Variants in CCDC91 observed in about 807,000 individuals in gnomAD.
The protein encoded by CCDC91 is coiled-coil domain-containing protein 91.
In CCDC91, 48 loss-of-function variants were observed where a neutral mutation model predicts 63.2. That is an observed-to-expected ratio of 0.76 (90% CI 0.60 to 0.97). The LOEUF is 0.97. CCDC91 is among the 50% of genes least tolerant of loss of function. CCDC91 has a pLI of 0.00. For synonymous variants in CCDC91, 167 were observed against 165.8 expected (o/e 1.01, Z -0.06); for missense variants, 500 against 494.6 (o/e 1.01, Z -0.10).
chr12:28,397,854 A>C (rs1391764986), intron 8 of CCDC91, among the ~76,000 whole-genome samples: 1 of 152,114 alleles, frequency 6.6e-6, no homozygotes, highest in African/African-American at 2.4e-5. Flanking sequence ...CTTTTATTAA[A>C]AAAGAAAACC....
intron 11 of CCDC91, among the ~76,000 whole-genome samples, chr12:28,464,363 G>A (rs577284525): frequency 6.6e-6 from 1 of 152,308 alleles, no homozygotes; most frequent in Non-Finnish European, 1.5e-5. Flanking sequence ...TAGCCAGGAT[G>A]GCTGAGGTAG....
chr12:28,376,683 A>G (rs1318985676), intron 7 of CCDC91, among the ~76,000 whole-genome samples: 5 of 151,812 alleles, frequency 3.3e-5, no homozygotes, highest in African/African-American at 9.7e-5. Flanking sequence ...AAGAGAAAGT[A>G]TCTTTTTGCA....
intron 12 of CCDC91, among the ~76,000 whole-genome samples, chr12:28,522,489 G>C (rs549234621): frequency 6.6e-6 from 1 of 151,954 alleles, no homozygotes; most frequent in East Asian, 1.9e-4. Flanking sequence ...TGTTGATAGC[G>C]GTCTATCAAT....
intron 3 of CCDC91, chr12:28,302,564 A>G (rs570977900): frequency 3.7e-6 from 3 of 805,342 alleles, no homozygotes; most frequent in Non-Finnish European, 4.5e-6. Context: ...TATGGCTTTT[A>G]CCTAGACAGT....
At chr12:28,278,240 C>T (rs1948375345) in intron 3 of CCDC91, among the ~76,000 whole-genome samples, 1 of 152,046 alleles carries the variant, frequency 6.6e-6, no homozygotes, top group Non-Finnish European at 1.5e-5. Context: ...CATGACACTG[C>T]ATACCCCTGG....
chr12:28,320,994 G>A (rs1183729512), intron 6 of CCDC91, among the ~76,000 whole-genome samples: 1 of 151,846 alleles, frequency 6.6e-6, no homozygotes, highest in African/African-American at 2.4e-5. Flanking sequence ...TCTGTTTGAG[G>A]GAAGAAGGAC....
intron 8 of CCDC91, among the ~76,000 whole-genome samples, chr12:28,429,088 T>A (rs1012313170): frequency 6.6e-6 from 1 of 152,194 alleles, no homozygotes; most frequent in African/African-American, 2.4e-5. Context: ...TTGGTGTTGA[T>A]GTCCAGCAGG....
At chr12:28,298,261 A>G in intron 3 of CCDC91, among the ~76,000 whole-genome samples, 1 of 151,818 alleles carries the variant, frequency 6.6e-6, no homozygotes, top group East Asian at 1.9e-4. Flanking sequence ...TAAGCACTTT[A>G]CATTCAACTT....
intron 3 of CCDC91, among the ~76,000 whole-genome samples, chr12:28,299,067 T>C (rs553018270): frequency 6.6e-6 from 1 of 151,758 alleles, no homozygotes; most frequent in East Asian, 1.9e-4. Flanking sequence ...AGCAAGTCTT[T>C]CTTTATTTAG....
intron 1 of CCDC91, chr12:28,199,104 G>T (rs1942008707): frequency 6.6e-6 from 1 of 152,002 alleles, no homozygotes; most frequent in Admixed American, 6.6e-5. Context: ...TGTAGAGACA[G>T]GTTCTTACTC....
At chr12:28,416,101 T>G (rs1203923338) in intron 8 of CCDC91, among the ~76,000 whole-genome samples, 2 of 152,118 alleles carry the variant, frequency 1.3e-5, no homozygotes, top group Admixed American at 6.6e-5. Context: ...CCCAGCTGCT[T>G]CTTGGAGTTT....
At chr12:28,216,943 A>G (rs1489605045) in intron 1 of CCDC91, among the ~76,000 whole-genome samples, 2 of 152,170 alleles carry the variant, frequency 1.3e-5, no homozygotes, top group Non-Finnish European at 2.9e-5. Context: ...AAGACCTGTC[A>G]GAGAATGTTT....
In CCDC91 at chr12:28,534,393, C is replaced by G. The variant is rs199730631; in HGVS notation, c.1216-14670C>G. ...TGGCCATGACAGGTCATTGGCTTTT[C>G]CAATATAAGGAACCTTGTAGAGGGA... On this transcript the variant is annotated intron_variant, in intron 12 of 12. Coordinates refer to ENST00000536442, the MANE Select transcript of CCDC91 (RefSeq NM_018318.5). Among the ~76,000 whole-genome samples, 16 of 152,144 alleles carry G rather than the reference C, an allele frequency of 1.1e-4. No homozygotes were observed. In the East Asian group the frequency reaches 2.9e-3, roughly 28 times the overall value.
At chr12:28,465,934 G>A (rs182359627) in intron 11 of CCDC91, among the ~76,000 whole-genome samples, 28 of 152,166 alleles carry the variant, frequency 1.8e-4, no homozygotes, top group Middle Eastern at 3.4e-3. Flanking sequence ...CACAGAGAAG[G>A]AATTCAGAAT....
At chr12:28,297,608 A>G (rs1379822686) in intron 3 of CCDC91, among the ~76,000 whole-genome samples, 1 of 151,898 alleles carries the variant, frequency 6.6e-6, no homozygotes, top group Non-Finnish European at 1.5e-5. Flanking sequence ...CAAACAAACA[A>G]CATACCAAAA....
At chr12:28,309,717 A>G (rs73083950) in intron 6 of CCDC91, among the ~76,000 whole-genome samples, 1,608 of 152,128 alleles carry the variant, frequency 0.011, 7 homozygotes, top group Middle Eastern at 0.017. Context: ...TATATCTTCA[A>G]TTGGTATTTA....
chr12:28,447,072 A>G (rs1949537681), intron 8 of CCDC91, among the ~76,000 whole-genome samples: 1 of 152,192 alleles, frequency 6.6e-6, no homozygotes, highest in Non-Finnish European at 1.5e-5. Context: ...AGTATGCATT[A>G]AAATATACAA....
intron 12 of CCDC91, among the ~76,000 whole-genome samples, chr12:28,528,576 A>C (rs912724063): frequency 6.6e-6 from 1 of 152,032 alleles, no homozygotes; most frequent in African/African-American, 2.4e-5. Context: ...TCTGGAGCAA[A>C]AGTTCATGAT....
At chr12:28,214,956 T>G (rs1401368116) in intron 1 of CCDC91, among the ~76,000 whole-genome samples, 1 of 152,200 alleles carries the variant, frequency 6.6e-6, no homozygotes, top group Admixed American at 6.6e-5. Context: ...GATTAAACAT[T>G]ATTCTAGGTA....
Sources: gnomAD v4.1 joint callset for allele counts (sites outside exome capture counted in the v4.1 genomes callset) on GRCh38, gnomAD v4.1.1 for gene constraint, MANE v1.5 for transcripts, NCBI Gene and HGNC (gene_info 2026-07-23, HGNC 2026-07-21) for gene names.